OR2AP1: variants seen among roughly 807,000 people sequenced by gnomAD.
OR2AP1 encodes the protein olfactory receptor 2AP1.
In OR2AP1, 20 loss-of-function variants were observed where a neutral mutation model predicts 13.9. The ratio of observed to expected loss-of-function variants is 1.44; its 90% CI spans 1.01 to 2.09. The LOEUF is 2.09. Ranked by LOEUF, OR2AP1 falls within the 30% of genes most tolerant of loss-of-function variation. The pLI is 0.00. For synonymous variants in OR2AP1, 174 were observed against 137.0 expected (o/e 1.27, Z -1.89); for missense variants, 490 against 360.6 (o/e 1.36, Z -2.91).
rs183165770 is a variant in OR2AP1, at chr12:55,574,666, A to C, written c.252A>C (p.Thr84=). The C allele has an allele frequency of 2.6e-6, 4 of 1,548,564 alleles. No homozygotes were observed. Among genetic ancestry groups the C allele is most frequent in the African/African-American group, 2.7e-5 (2 of 73,166 alleles). Residue 84 remains threonine, a synonymous_variant, in exon 2 of 2, where the codon ACA becomes ACC. Transcript: ENST00000641114. Reference sequence around the variant, plus strand: ...TTCCAAGGGTCCTGATTAGCATCACAACAGGGAACAAGAGTATCAGCTTTG... The same window carrying C: ...TTCCAAGGGTCCTGATTAGCATCACCACAGGGAACAAGAGTATCAGCTTTG... ...IFIPRVLISI[T]TGNKSISFAG...
chr12:55,573,161 G>C (rs1874463454), intron 1 of OR2AP1, among the ~76,000 whole-genome samples: 1 of 149,218 alleles, frequency 6.7e-6, no homozygotes, highest in East Asian at 2.0e-4. Flanking sequence ...CTGGGTGTCA[G>C]AGTAAGACTG....
chr12:55,573,653 T>C (rs1874477123), intron 1 of OR2AP1, among the ~76,000 whole-genome samples: 2 of 152,212 alleles, frequency 1.3e-5, no homozygotes, highest in African/African-American at 4.8e-5. Flanking sequence ...CCTTGGAATT[T>C]AATAGAATCT....
chr12:55,575,034 T>C lies in OR2AP1; in HGVS notation c.620T>C (p.Val207Ala), dbSNP rs1172641821. Reference protein sequence around the residue: ...VFLVASVTLVVTLVLVILSYA... With the variant: ...VFLVASVTLVATLVLVILSYA... ...CTTGTGGCATCTGTGACCCTGGTGG[T>C]CACTCTGGTGCTAGTGATTCTCTCC... The change falls in exon 2 of 2, where the codon GTC becomes GCC. Residue 207 changes from valine to alanine, a missense_variant. Val to Ala is a moderately conservative substitution (Grantham distance 64, BLOSUM62 0). Coordinates refer to ENST00000641114, the MANE Select transcript of OR2AP1 (RefSeq NM_001258285.2). The C allele has an allele frequency of 6.5e-7, 1 of 1,538,798 alleles. No individual in the cohort carries two copies. Among genetic ancestry groups the C allele is most frequent in the Non-Finnish European group, 8.7e-7 (1 of 1,147,460 alleles).
Position 55,575,029 on chromosome 12 carries a change from G to C in OR2AP1, c.615G>C (p.Leu205=). 1 of 1,538,268 alleles carries C rather than the reference G, an allele frequency of 6.5e-7. No individual in the cohort carries two copies. The highest frequency in any genetic ancestry group is 8.7e-7 in the Non-Finnish European group (1 of 1,147,154). Residue 205 remains leucine (L), a synonymous_variant, in exon 2 of 2, where the codon CTG becomes CTC. Transcript: ENST00000641114. ...KVVFLVASVT[L]VVTLVLVILS... ...TCTTTCTTGTGGCATCTGTGACCCT[G>C]GTGGTCACTCTGGTGCTAGTGATTC...
rs1350444986 is a variant in OR2AP1 at position 55,574,652 on chromosome 12, C to T, written c.238C>T (p.Leu80=). Reference sequence around the variant, plus strand: ...CACAAACATCTTCATTCCAAGGGTCCTGATTAGCATCACAACAGGGAACAA... The same window carrying T: ...CACAAACATCTTCATTCCAAGGGTCTTGATTAGCATCACAACAGGGAACAA... The part of the protein sequence containing the change: ...SFTNIFIPRV[L]ISITTGNKSI... The change falls in exon 2 of 2, where the codon CTG becomes TTG. Residue 80 remains leucine, a synonymous_variant. Coordinates refer to ENST00000641114, the MANE Select transcript of OR2AP1 (RefSeq NM_001258285.2). 9 of 1,545,564 alleles carry T rather than the reference C, an allele frequency of 5.8e-6. No individual in the cohort carries two copies. The highest frequency in any genetic ancestry group is 7.8e-6 in the Non-Finnish European group (9 of 1,149,026).
chr12:55,574,177 G>C (rs914336103), intron 1 of OR2AP1, 43 bp from the exon 2 acceptor site: 4 of 484,678 alleles, frequency 8.3e-6, no homozygotes, highest in Non-Finnish European at 1.1e-5. Flanking sequence ...GCACTAGGGA[G>C]AGTACAATGT....
chr12:55,573,023 T>C (rs142354461), intron 1 of OR2AP1, among the ~76,000 whole-genome samples: 1 of 151,770 alleles, frequency 6.6e-6, no homozygotes, highest in Non-Finnish European at 1.5e-5. Flanking sequence ...AAATAAAAAA[T>C]AATAATTAGC....
chr12:55,574,906 G>T lies in OR2AP1; in HGVS notation c.492G>T (p.Gln164His). 2 of 1,541,374 alleles carry T rather than the reference G, an allele frequency of 1.3e-6. No individual in the cohort carries two copies. Among genetic ancestry groups the T allele is most frequent in the South Asian group, 2.4e-5 (2 of 84,266 alleles). Residue 164 changes from glutamine to histidine, a missense_variant, in exon 2 of 2, where the codon CAG becomes CAT. By Grantham distance (24) the Gln-to-His change is conservative. Transcript: ENST00000641114. ...IIPTITLMSQ[Q>H]DFCASNRLNH... is the part of the protein sequence containing the mutation. Reference sequence around the variant, plus strand: ...CAACAATCACCCTGATGAGTCAGCAGGACTTTTGTGCATCCAACAGACTGA... The same window carrying T: ...CAACAATCACCCTGATGAGTCAGCATGACTTTTGTGCATCCAACAGACTGA...
rs1565728028 is a variant in OR2AP1, at chr12:55,575,341, T to C, written c.927T>C (p.Leu309=). 6.7e-7 allele frequency: 1 copy of C among 1,483,472 alleles called. No homozygotes were observed. Among genetic ancestry groups the C allele is most frequent in the South Asian group, 1.3e-5 (1 of 78,468 alleles). The allele number at this position is 1,483,472 out of a possible 1,614,324, so 91.9% of individuals were successfully genotyped here. A position where few individuals can be genotyped will look rare whatever the true frequency, so the allele number is the denominator to read the frequency against. ...ATATGGTCAAAAAGCTTCTGAATCT[T>C]TAAAGAATTTAAGAATTATGCATCG... ...FKDMVKKLLN[L] Residue 309 remains leucine, a synonymous_variant, in exon 2 of 2, where the codon CTT becomes CTC. Coordinates refer to ENST00000641114, the MANE Select transcript of OR2AP1 (RefSeq NM_001258285.2).
At position 55,575,269 on chromosome 12, in the gene OR2AP1, CT is replaced by C; in HGVS notation, c.858del (p.Phe286LeufsTer5). On this transcript the variant is annotated frameshift_variant, in exon 2 of 2. Transcript: ENST00000641114. LOFTEE classifies it high-confidence loss of function. ...CTTCAGTTGCTCCTTTGTTGAACCCCTTTATTTACACCCTAAGGAACCAACA... is the reference window on the plus strand; with the variant it reads ...CTTCAGTTGCTCCTTTGTTGAACCCCTTATTTACACCCTAAGGAACCAACA... ...ITSVAPLLNP[F>X]IYTLRNQQVK... The C allele has an allele frequency of 1.3e-6, 2 of 1,545,206 alleles. No individual in the cohort carries two copies. The highest frequency in any genetic ancestry group is 1.7e-6 in the Non-Finnish European group (2 of 1,150,470).
rs56012703 is a variant in OR2AP1, at chr12:55,574,892, C to G, written c.478C>G (p.Leu160Val). 1.5e-3 allele frequency: 2,266 copies of G among 1,545,814 alleles called. 39 individuals carry two copies. In the African/African-American group the frequency reaches 0.027, roughly 19 times the overall value. Reference protein sequence around the residue: ...GLMAIIPTITLMSQQDFCASN... With the variant: ...GLMAIIPTITVMSQQDFCASN... ...AATGGCTATTATACCAACAATCACC[C>G]TGATGAGTCAGCAGGACTTTTGTGC... Residue 160 changes from leucine to valine, a missense_variant, in exon 2 of 2, where the codon CTG (leucine) becomes GTG (valine). By Grantham distance (32) the Leu-to-Val change is conservative. Coordinates refer to ENST00000641114, the MANE Select transcript of OR2AP1 (RefSeq NM_001258285.2).
chr12:55,574,264 C>G lies in OR2AP1; in HGVS notation c.-151C>G, dbSNP rs941889840. The G allele has an allele frequency of 6.7e-6, 4 of 595,422 alleles. No homozygotes were observed. The highest frequency in any genetic ancestry group is 1.2e-5 in the Non-Finnish European group (4 of 338,286). The allele number at this position is 595,422 out of a possible 1,614,324, so 36.9% of individuals were successfully genotyped here. ...GATCCAACATCATTCAAATGGGCCA[C>G]TGGTCTGGACTATGTCATCAGAGGA... On this transcript the variant is annotated 5_prime_UTR_variant, in exon 2 of 2. Transcript: ENST00000641114.
In OR2AP1 at chr12:55,574,216, A is replaced by G; in HGVS notation, c.-195-4A>G. The G allele has an allele frequency of 1.8e-6, 1 of 562,278 alleles. No individual in the cohort carries two copies. The highest frequency in any genetic ancestry group is 3.1e-6 in the Non-Finnish European group (1 of 319,976). 34.8% of individuals were successfully genotyped at this position (562,278 alleles called of 1,614,324 possible). A position where few individuals can be genotyped will look rare whatever the true frequency, so the allele number is the denominator to read the frequency against. On this transcript the variant is annotated splice_region_variant and splice_polypyrimidine_tract_variant and intron_variant, in intron 1 of 1. Transcript: ENST00000641114. ...AACATAATGACAAGAACTTTCCTCC[A>G]TAGGGCAAATGGGACTGGGAAGGAT...
chr12:55,574,660 C>T lies in OR2AP1; in HGVS notation c.246C>T (p.Ser82=), dbSNP rs1360282234. 1.3e-6 allele frequency: 2 copies of T among 1,547,236 alleles called. No individual in the cohort carries two copies. The highest frequency in any genetic ancestry group is 1.2e-5 in the South Asian group (1 of 84,580). Residue 82 remains serine, a synonymous_variant, in exon 2 of 2, where the codon AGC becomes AGT. Coordinates refer to ENST00000641114, the MANE Select transcript of OR2AP1 (RefSeq NM_001258285.2). ...TNIFIPRVLI[S]ITTGNKSISF... ...TCTTCATTCCAAGGGTCCTGATTAGCATCACAACAGGGAACAAGAGTATCA... is the reference window on the plus strand; with the variant it reads ...TCTTCATTCCAAGGGTCCTGATTAGTATCACAACAGGGAACAAGAGTATCA...
In OR2AP1 at chr12:55,575,198, G is replaced by A; in HGVS notation, c.784G>A (p.Ala262Thr). ...CATGTTTATGTACATTAATCCCTCT[G>A]CAAAAGAAGGGGATACATTCAACAA... ...SCMFMYINPSAKEGDTFNKGV... is the reference protein window; with the variant it reads ...SCMFMYINPSTKEGDTFNKGV... The change falls in exon 2 of 2, where the codon GCA (alanine) becomes ACA (threonine). Residue 262 changes from alanine (A) to threonine (T), a missense_variant. Ala to Thr is a moderately conservative substitution (Grantham distance 58). Transcript: ENST00000641114. The A allele has an allele frequency of 1.3e-6, 2 of 1,594,488 alleles. No individual in the cohort carries two copies. The highest frequency in any genetic ancestry group is 1.7e-6 in the Non-Finnish European group (2 of 1,175,428).
In OR2AP1 at chr12:55,574,791, A is replaced by T; in HGVS notation, c.377A>T (p.Lys126Ile). ...MSYDRYVAIC[K>I]PLHYTTIMSS... is the part of the protein sequence containing the mutation. ...TATGACCGCTATGTGGCCATCTGCA[A>T]ACCTCTGCATTACACCACCATCATG... The change falls in exon 2 of 2, where the codon AAA becomes ATA. Residue 126 changes from lysine (K) to isoleucine (I), a missense_variant. By Grantham distance (102) the Lys-to-Ile change is moderately radical. Coordinates refer to ENST00000641114, the MANE Select transcript of OR2AP1 (RefSeq NM_001258285.2). 1 of 1,608,334 alleles carries T rather than the reference A, an allele frequency of 6.2e-7. No individual in the cohort carries two copies. The highest frequency in any genetic ancestry group is 8.5e-7 in the Non-Finnish European group (1 of 1,177,338).
chr12:55,574,207 C>T lies in OR2AP1; in HGVS notation c.-195-13C>T, dbSNP rs1874489758. ...CAATGTGGAAACATAATGACAAGAA[C>T]TTTCCTCCATAGGGCAAATGGGACT... is the stretch of plus-strand genomic sequence containing the variant. On this transcript the variant is annotated splice_polypyrimidine_tract_variant and intron_variant, in intron 1 of 1. Transcript: ENST00000641114. 1.8e-6 allele frequency: 1 copy of T among 548,302 alleles called. No homozygotes were observed. Among genetic ancestry groups the T allele is most frequent in the East Asian group, 3.0e-5 (1 of 33,478 alleles). 34.0% of individuals were successfully genotyped at this position (548,302 alleles called of 1,614,324 possible).
chr12:55,575,021 G>C lies in OR2AP1; in HGVS notation c.607G>C (p.Val203Leu), dbSNP rs994534589. 4 of 1,538,194 alleles carry C rather than the reference G, an allele frequency of 2.6e-6. No individual in the cohort carries two copies. Among genetic ancestry groups the C allele is most frequent in the Non-Finnish European group, 3.5e-6 (4 of 1,147,242 alleles). The part of the protein sequence containing the change: ...IEKVVFLVAS[V>L]TLVVTLVLVI... The stretch of plus-strand genomic sequence containing the variant: ...GAAGGTTGTCTTTCTTGTGGCATCT[G>C]TGACCCTGGTGGTCACTCTGGTGCT... The change falls in exon 2 of 2, where the codon GTG becomes CTG. Residue 203 changes from valine to leucine, a missense_variant. Physicochemically the swap from Val to Leu is conservative, Grantham distance 32. Transcript: ENST00000641114.
rs1874524505 is a variant in OR2AP1, at chr12:55,575,013, T to A, written c.599T>A (p.Val200Glu). The A allele has an allele frequency of 6.5e-7, 1 of 1,537,932 alleles. No individual in the cohort carries two copies. The highest frequency in any genetic ancestry group is 2.4e-5 in the East Asian group (1 of 40,932). The change falls in exon 2 of 2, where the codon GTG becomes GAG. Residue 200 changes from valine to glutamate, a missense_variant. Physicochemically the swap from Val to Glu is moderately radical, Grantham distance 121. Transcript: ENST00000641114. ...CTCATAGAGAAGGTTGTCTTTCTTG[T>A]GGCATCTGTGACCCTGGTGGTCACT... ...TSLIEKVVFL[V>E]ASVTLVVTLV...
Sources: allele counts gnomAD v4.1 joint callset (sites outside exome capture counted in the v4.1 genomes callset), GRCh38; gene constraint gnomAD v4.1.1; transcripts MANE v1.5; gene names NCBI Gene and HGNC (gene_info 2026-07-23, HGNC 2026-07-21).